Variants in CTNNA3 observed in about 807,000 individuals in gnomAD.
CTNNA3 encodes the protein catenin alpha 3, also known as catenin alpha-3.
In CTNNA3, 76 loss-of-function variants were observed where a neutral mutation model predicts 95.7. The ratio of observed to expected loss-of-function variants is 0.79; its 90% CI spans 0.66 to 0.96. The LOEUF (loss-of-function observed/expected upper bound fraction) is 0.96, where lower values mean the gene tolerates loss of function less well. Among genes scored for constraint, CTNNA3 ranks in the 40% least tolerant of loss-of-function variants. CTNNA3 has a pLI of 0.00. For synonymous variants in CTNNA3, 431 were observed against 374.4 expected, an observed-to-expected ratio of 1.15 and a Z score of -1.74; for missense variants, 1,191 against 1,089.8, an observed-to-expected ratio of 1.09 and a Z score of -1.31.
intron 7 of CTNNA3, among the ~76,000 whole-genome samples, chr10:66,963,140 G>A (rs899708917): frequency 3.3e-5 from 5 of 152,092 alleles, no homozygotes; most frequent in African/African-American, 9.7e-5. Context: ...ATAAAACAAA[G>A]CTAGTACTTA....
chr10:67,558,775 C>T (rs1841355185), intron 3 of CTNNA3, among the ~76,000 whole-genome samples: 1 of 152,240 alleles, frequency 6.6e-6, no homozygotes, highest in Non-Finnish European at 1.5e-5. Flanking sequence ...AATCGGGTCA[C>T]TCCCACCCTA....
chr10:67,047,839 C>A (rs1287870543), intron 7 of CTNNA3, among the ~76,000 whole-genome samples: 1 of 151,900 alleles, frequency 6.6e-6, no homozygotes, highest in Non-Finnish European at 1.5e-5. Flanking sequence ...AAGTTTCAAC[C>A]AGTTTTCCTG....
chr10:67,552,365 T>G (rs1841063716), intron 3 of CTNNA3, among the ~76,000 whole-genome samples: 1 of 152,224 alleles, frequency 6.6e-6, no homozygotes, highest in Non-Finnish European at 1.5e-5. Context: ...CTATTTTTTT[T>G]CTTCAACTTT....
intron 1 of CTNNA3, chr10:67,750,822 A>G (rs1841403039): frequency 6.2e-7 from 1 of 1,610,512 alleles, no homozygotes; most frequent in Admixed American, 1.7e-5. Flanking sequence ...AATATAAACC[A>G]GTGACTAACC....
chr10:67,743,521 T>A (rs1841355319), intron 1 of CTNNA3, among the ~76,000 whole-genome samples: 1 of 151,334 alleles, frequency 6.6e-6, no homozygotes. Context: ...AAGAGCTATC[T>A]ATGACAAACC....
intron 13 of CTNNA3, among the ~76,000 whole-genome samples, chr10:66,201,939 G>A (rs1242868838): frequency 6.6e-6 from 1 of 151,412 alleles, no homozygotes; most frequent in East Asian, 2.0e-4. Context: ...CAGGTGCCTG[G>A]CACCATGCCT....
chr10:67,137,233 G>A (rs890987515), intron 7 of CTNNA3, among the ~76,000 whole-genome samples: 1 of 152,084 alleles, frequency 6.6e-6, no homozygotes, highest in Non-Finnish European at 1.5e-5. Flanking sequence ...AAGTATGTTA[G>A]CTATTGTAAT....
intron 5 of CTNNA3, among the ~76,000 whole-genome samples, chr10:67,348,512 C>T (rs2620936): frequency 0.87 from 132,393 of 152,090 alleles, 59,267 homozygotes; most frequent in East Asian, 1. Context: ...GTGGCACCAG[C>T]ATCTGCTCCC....
intron 15 of CTNNA3, among the ~76,000 whole-genome samples, chr10:66,029,524 A>T (rs951297826): frequency 6.6e-6 from 1 of 152,206 alleles, no homozygotes; most frequent in African/African-American, 2.4e-5. Flanking sequence ...ATATTGTTTA[A>T]ATGAAGTCTA....
intron 1 of CTNNA3, among the ~76,000 whole-genome samples, chr10:67,732,369 A>T (rs1213044003): frequency 6.6e-6 from 1 of 152,224 alleles, no homozygotes; most frequent in East Asian, 1.9e-4. Context: ...TGAATAGGAC[A>T]TAGTCTTATG....
chr10:66,185,600 C>T (rs115306678), intron 13 of CTNNA3, among the ~76,000 whole-genome samples: 1,652 of 152,062 alleles, frequency 0.011, 39 homozygotes, highest in African/African-American at 0.038. Context: ...TGCTCTCCTA[C>T]GCAAAATTTG....
At chr10:66,902,425 G>A (rs1487992623) in intron 7 of CTNNA3, among the ~76,000 whole-genome samples, 1 of 152,152 alleles carries the variant, frequency 6.6e-6, no homozygotes, top group African/African-American at 2.4e-5. Context: ...ACAAGAGAAA[G>A]CAAGAAAGAT....
At chr10:67,703,853 A>G (rs1340263691) in intron 1 of CTNNA3, among the ~76,000 whole-genome samples, 10 of 152,224 alleles carry the variant, frequency 6.6e-5, no homozygotes, top group Non-Finnish European at 1.5e-5. Context: ...TTTGCAGATG[A>G]CATGATTGTA....
At chr10:67,180,200 G>T in intron 7 of CTNNA3, 117 bp downstream of exon 7, 1 of 885,984 alleles carries the variant, frequency 1.1e-6, no homozygotes, top group Non-Finnish European at 1.8e-6. Context: ...ATCAACCTAT[G>T]TAAAATCACA....
chr10:66,593,755 T>C (rs1843624695), intron 10 of CTNNA3, among the ~76,000 whole-genome samples: 1 of 152,160 alleles, frequency 6.6e-6, no homozygotes, highest in South Asian at 2.1e-4. Context: ...AGGTTAAACA[T>C]ATCCTTCTTG....
At chr10:66,980,398 C>T (rs1441491762) in intron 7 of CTNNA3, among the ~76,000 whole-genome samples, 2 of 152,156 alleles carry the variant, frequency 1.3e-5, no homozygotes, top group African/African-American at 2.4e-5. Context: ...CATCTTCTGG[C>T]TCACACAGAG....
intron 7 of CTNNA3, among the ~76,000 whole-genome samples, chr10:66,808,090 G>A (rs1180662462): frequency 6.6e-6 from 1 of 152,042 alleles, no homozygotes; most frequent in Non-Finnish European, 1.5e-5. Flanking sequence ...CGCTTAAACT[G>A]AGGATAAAAA....
chr10:67,096,152 C>T (rs537434797), intron 7 of CTNNA3, among the ~76,000 whole-genome samples: 60 of 151,286 alleles, frequency 4.0e-4, no homozygotes, highest in Non-Finnish European at 7.1e-4. Context: ...TTTTATATGC[C>T]GAAATATTCA....
chr10:66,622,029 T>C (rs565850222), intron 9 of CTNNA3, among the ~76,000 whole-genome samples: 1 of 152,284 alleles, frequency 6.6e-6, no homozygotes, highest in African/African-American at 2.4e-5. Context: ...GTAAACCCTA[T>C]ACAGTCTCTT....
Sources: allele counts gnomAD v4.1 joint callset (sites outside exome capture counted in the v4.1 genomes callset), GRCh38; gene constraint gnomAD v4.1.1; transcripts MANE v1.5; gene names NCBI Gene and HGNC (gene_info 2026-07-23, HGNC 2026-07-21).